Variants in GLIS3 observed in about 807,000 individuals in gnomAD.
GLIS3 encodes GLIS family zinc finger 3.
In GLIS3, 53 loss-of-function variants were observed where a neutral mutation model predicts 78.6. The observed-to-expected ratio is 0.67, with a 90% CI of 0.54 to 0.85. GLIS3 has a LOEUF of 0.85. Among genes scored for constraint, GLIS3 ranks in the 40% least tolerant of loss-of-function variants. GLIS3 has a pLI of 0.00. For synonymous variants in GLIS3, 684 were observed against 509.9 expected (o/e 1.34, Z -4.60); for missense variants, 1,703 against 1,231.1 (o/e 1.38, Z -5.74).
chr9:4,177,528 C>G (rs1586888074), intron 2 of GLIS3, among the ~76,000 whole-genome samples: 1 of 152,304 alleles, frequency 6.6e-6, no homozygotes, highest in South Asian at 2.1e-4. Flanking sequence ...TCTCCTCATT[C>G]ACTCAACTCC....
chr9:4,013,692 C>T (rs1173905438), intron 4 of GLIS3, among the ~76,000 whole-genome samples: 1 of 152,162 alleles, frequency 6.6e-6, no homozygotes, highest in African/African-American at 2.4e-5. Context: ...CTTTTCTTCA[C>T]TTTTCCAGTC....
the GLIS3 span, among the ~76,000 whole-genome samples, chr9:4,414,948 G>C: frequency 6.6e-6 from 1 of 151,724 alleles, no homozygotes; most frequent in South Asian, 2.1e-4. Context: ...CTGCTCCTTA[G>C]CTTAAATCCC....
At chr9:4,138,506 C>G (rs1286836859) in intron 2 of GLIS3, among the ~76,000 whole-genome samples, 2 of 152,134 alleles carry the variant, frequency 1.3e-5, no homozygotes, top group East Asian at 1.9e-4. Flanking sequence ...GAGACTTCAT[C>G]TGAGCCTTTT....
chr9:3,902,773 T>C (rs1822897), intron 6 of GLIS3, among the ~76,000 whole-genome samples: 23,206 of 152,238 alleles, frequency 0.15, 2,065 homozygotes, highest in Non-Finnish European at 0.2. Context: ...AGTTTTCTGT[T>C]TATGGAAAGA....
chr9:4,208,071 C>A (rs1485859843), intron 2 of GLIS3, among the ~76,000 whole-genome samples: 1 of 152,202 alleles, frequency 6.6e-6, no homozygotes, highest in African/African-American at 2.4e-5. Flanking sequence ...GTCACATTAA[C>A]CTCTTTGCCT....
the GLIS3 span, among the ~76,000 whole-genome samples, chr9:4,368,201 G>A: frequency 6.6e-6 from 1 of 152,138 alleles, no homozygotes; most frequent in African/African-American, 2.4e-5. Context: ...TTCTTTTAAT[G>A]TTCTCAGTAT....
intron 6 of GLIS3, among the ~76,000 whole-genome samples, chr9:3,918,036 T>C (rs114355952): frequency 0.018 from 2,681 of 152,318 alleles, 90 homozygotes; most frequent in African/African-American, 0.061. Context: ...AGATAACTGA[T>C]GGCACTCATG....
At chr9:4,303,758 G>T (rs1817154391), upstream of GLIS3, among the ~76,000 whole-genome samples, 1 of 152,198 alleles carries the variant, frequency 6.6e-6, no homozygotes, top group African/African-American at 2.4e-5. Flanking sequence ...AAGCTGAGAT[G>T]TATCTAAAAT....
At chr9:4,092,495 T>G (rs1480653556) in intron 4 of GLIS3, among the ~76,000 whole-genome samples, 1 of 152,218 alleles carries the variant, frequency 6.6e-6, no homozygotes, top group Non-Finnish European at 1.5e-5. Flanking sequence ...ACCACAATAT[T>G]TCCTTTCTTT....
intron 2 of GLIS3, chr9:4,145,158 T>G (rs1286379441): frequency 1.3e-5 from 2 of 152,214 alleles, no homozygotes; most frequent in East Asian, 3.9e-4. Context: ...AATCAACTGC[T>G]CATAGACCAA....
intron 1 of GLIS3, among the ~76,000 whole-genome samples, chr9:4,289,364 T>C (rs545687717): frequency 6.6e-5 from 10 of 152,212 alleles, no homozygotes; most frequent in African/African-American, 1.9e-4. Context: ...ACGGTAGACA[T>C]GGAAGCAAAA....
chr9:3,949,757 G>A (rs575801890), intron 4 of GLIS3, among the ~76,000 whole-genome samples: 1 of 152,286 alleles, frequency 6.6e-6, no homozygotes, highest in South Asian at 2.1e-4. Context: ...TGGAATATTT[G>A]CCTAAATATT....
At chr9:4,376,083 T>C in the GLIS3 span, among the ~76,000 whole-genome samples, 1 of 152,162 alleles carries the variant, frequency 6.6e-6, no homozygotes, top group Non-Finnish European at 1.5e-5. Context: ...TAAAGCCTTA[T>C]GATCGTTCAG....
At chr9:4,115,405 T>G (rs1831559997) in intron 4 of GLIS3, among the ~76,000 whole-genome samples, 1 of 152,136 alleles carries the variant, frequency 6.6e-6, no homozygotes, top group Non-Finnish European at 1.5e-5. Context: ...TCAACTACCA[T>G]CAGATTTGAA....
intron 2 of GLIS3, among the ~76,000 whole-genome samples, chr9:4,157,388 G>A (rs557192517): frequency 2.6e-5 from 4 of 152,290 alleles, no homozygotes; most frequent in South Asian, 4.1e-4. Context: ...GATTTTGCAT[G>A]TAGTTGAAAA....
chr9:4,098,166 A>G (rs919758679), intron 4 of GLIS3, among the ~76,000 whole-genome samples: 1 of 152,220 alleles, frequency 6.6e-6, no homozygotes, highest in Non-Finnish European at 1.5e-5. Context: ...CACTGAAGCT[A>G]CAGAAGAATT....
intron 9 of GLIS3, among the ~76,000 whole-genome samples, chr9:3,831,046 G>A (rs1319235029): frequency 6.6e-6 from 1 of 152,142 alleles, no homozygotes; most frequent in African/African-American, 2.4e-5. Context: ...TATCATCCAA[G>A]ATAGATCAAA....
chr9:3,877,473 A>G (rs549089423), intron 8 of GLIS3, among the ~76,000 whole-genome samples: 11 of 152,230 alleles, frequency 7.2e-5, no homozygotes, highest in Non-Finnish European at 1.6e-4. Flanking sequence ...AATCAGACAT[A>G]TCCACATGGA....
intron 2 of GLIS3, among the ~76,000 whole-genome samples, chr9:4,137,479 T>C (rs571162794): frequency 1.3e-5 from 2 of 152,218 alleles, no homozygotes; most frequent in Non-Finnish European, 2.9e-5. Context: ...ATCACATTTA[T>C]ACCCAAGAGA....
Sources: allele counts gnomAD v4.1 joint callset (sites outside exome capture counted in the v4.1 genomes callset), GRCh38; gene constraint gnomAD v4.1.1; transcripts MANE v1.5; gene names NCBI Gene and HGNC (gene_info 2026-07-23, HGNC 2026-07-21).